Variants in KCNK10 observed in about 807,000 individuals in gnomAD.
KCNK10 encodes the protein potassium two pore domain channel subfamily K member 10, also known as potassium channel subfamily K member 10.
Under a neutral mutation model 47.7 loss-of-function variants are expected in KCNK10, and 25 were observed. That is an observed-to-expected ratio of 0.52 (90% CI 0.38 to 0.73). KCNK10 has a LOEUF of 0.73. Ranked by LOEUF, KCNK10 falls within the 30% of genes least tolerant of loss-of-function variation. The pLI, the probability that KCNK10 is intolerant of heterozygous loss-of-function variation, is 0.00. For synonymous variants in KCNK10, 303 were observed against 285.6 expected (o/e 1.06, Z -0.61); for missense variants, 563 against 714.5 (o/e 0.79, Z 2.42).
intron 4 of KCNK10, among the ~76,000 whole-genome samples, chr14:88,211,978 T>C (rs893702659): frequency 4.6e-5 from 7 of 150,960 alleles, no homozygotes; most frequent in Non-Finnish European, 7.4e-5. Context: ...AAGCCCAGAA[T>C]GTCATGGAAA....
intron 2 of KCNK10, among the ~76,000 whole-genome samples, chr14:88,241,055 G>A (rs1886451041): frequency 1.3e-5 from 2 of 152,178 alleles, no homozygotes; most frequent in Non-Finnish European, 2.9e-5. Context: ...ATAGAATATG[G>A]TGACATTTAT....
intron 4 of KCNK10, among the ~76,000 whole-genome samples, chr14:88,216,878 A>G (rs1049270041): frequency 1.3e-5 from 2 of 152,176 alleles, no homozygotes; most frequent in Non-Finnish European, 2.9e-5. Context: ...AACTCACGGC[A>G]GGGCGTGGTG....
chr14:88,310,157 C>CATATACCATATGATATGGTATATG (rs1888284835), intron 1 of KCNK10, among the ~76,000 whole-genome samples: 2 of 43,570 alleles, frequency 4.6e-5, no homozygotes, highest in African/African-American at 1.8e-4. Flanking sequence ...ATATCTCTCT[C>CATATACCATATGATATGGTATATG]ATATACCATA....
chr14:88,224,190 A>C (rs1333699970), intron 4 of KCNK10, among the ~76,000 whole-genome samples: 2 of 152,222 alleles, frequency 1.3e-5, no homozygotes, highest in African/African-American at 2.4e-5. Context: ...AGGCCATTTA[A>C]AAGTGTTGTT....
chr14:88,250,128 G>A (rs1329451205), intron 2 of KCNK10, among the ~76,000 whole-genome samples: 1 of 152,064 alleles, frequency 6.6e-6, no homozygotes, highest in Non-Finnish European at 1.5e-5. Context: ...AGTTTTTTTA[G>A]AACATTGAAT....
intron 4 of KCNK10, among the ~76,000 whole-genome samples, chr14:88,198,959 G>A (rs1182053480): frequency 2.6e-4 from 21 of 79,546 alleles, no homozygotes; most frequent in Admixed American, 1.4e-3. Context: ...TCACTTTGTC[G>A]CCCAGGCTGG....
At chr14:88,254,977 AC>A (rs1361546486) in intron 2 of KCNK10, among the ~76,000 whole-genome samples, 4 of 152,156 alleles carry the variant, frequency 2.6e-5, no homozygotes, top group African/African-American at 9.7e-5. Context: ...CCTAATGAGG[AC>A]TGTGATCCCT....
chr14:88,181,415 CGTGTGT>C lies in KCNK10; in HGVS notation c.*4114_*4119del, dbSNP rs34123372. ...GTGTGTGTGTGTGTGTGTATGTGTGCGTGTGTGTGTGTGTGTGTGTGTGTGAGAGAG... is the reference window on the plus strand; with the variant it reads ...GTGTGTGTGTGTGTGTGTATGTGTGCGTGTGTGTGTGTGTGTGTGAGAGAG... On this transcript the variant is annotated 3_prime_UTR_variant, in exon 7 of 7. Coordinates refer to ENST00000319231, the MANE Select transcript of KCNK10 (RefSeq NM_138317.3). 6,525 of 149,608 alleles carry C rather than the reference CGTGTGT, an allele frequency of 0.044. 376 individuals are homozygous for C. The highest frequency in any genetic ancestry group is 0.21 in the East Asian group (1,061 of 5,136). The allele number at this position is 149,608 out of a possible 1,614,324, so 9.3% of individuals were successfully genotyped here.
intron 4 of KCNK10, among the ~76,000 whole-genome samples, chr14:88,214,598 A>G (rs1022567495): frequency 6.6e-6 from 1 of 152,224 alleles, no homozygotes; most frequent in African/African-American, 2.4e-5. Flanking sequence ...CCATCTTTGT[A>G]TTAGTCACAT....
Position 88,316,498 on chromosome 14 carries a change from C to T in KCNK10, c.52+6249G>A, listed in dbSNP as rs112988077. On this transcript the variant is annotated intron_variant, in intron 1 of 6. Coordinates refer to ENST00000319231, the MANE Select transcript of KCNK10 (RefSeq NM_138317.3). ...CCCCAGAAGTGGAAGGTCCCTTTGA[C>T]CTCCATGATTCTTATGGAGAGAAAT... Among the ~76,000 whole-genome samples, 323 of 152,302 alleles carry T rather than the reference C, an allele frequency of 2.1e-3. 2 individuals are homozygous for T. Among genetic ancestry groups the T allele is most frequent in the African/African-American group, 7.3e-3 (302 of 41,564 alleles).
intron 4 of KCNK10, among the ~76,000 whole-genome samples, chr14:88,223,964 T>C (rs1013150591): frequency 6.6e-6 from 1 of 151,928 alleles, no homozygotes; most frequent in Non-Finnish European, 1.5e-5. Flanking sequence ...GCAGATCACC[T>C]GAGGCCAGGA....
intron 4 of KCNK10, among the ~76,000 whole-genome samples, chr14:88,202,721 G>A (rs761863751): frequency 1.1e-4 from 17 of 152,000 alleles, no homozygotes; most frequent in African/African-American, 3.9e-4. Flanking sequence ...GAGAGAAGGC[G>A]GAATGGCCAC....
intron 5 of KCNK10, among the ~76,000 whole-genome samples, chr14:88,189,448 T>C (rs1304767567): frequency 6.6e-6 from 1 of 152,230 alleles, no homozygotes; most frequent in Non-Finnish European, 1.5e-5. Flanking sequence ...CAGAGAAATC[T>C]GTAGCTTTCT....
At chr14:88,288,115 A>G (rs1296545634) in intron 1 of KCNK10, among the ~76,000 whole-genome samples, 2 of 151,950 alleles carry the variant, frequency 1.3e-5, no homozygotes, top group Non-Finnish European at 2.9e-5. Flanking sequence ...ATTTTTTCAT[A>G]TGTTTGTTGG....
chr14:88,237,984 A>G (rs1402916852), intron 3 of KCNK10, among the ~76,000 whole-genome samples: 2 of 152,254 alleles, frequency 1.3e-5, no homozygotes, highest in African/African-American at 2.4e-5. Context: ...ATCTTGTAAT[A>G]TAAGGCTGTT....
chr14:88,254,258 C>T (rs1285169584), intron 2 of KCNK10, among the ~76,000 whole-genome samples: 1 of 152,196 alleles, frequency 6.6e-6, no homozygotes, highest in African/African-American at 2.4e-5. Context: ...ATTAGACCAA[C>T]CTGCCCCCAG....
intron 4 of KCNK10, among the ~76,000 whole-genome samples, chr14:88,213,903 A>C (rs1220337563): frequency 1.4e-5 from 2 of 140,644 alleles, no homozygotes; most frequent in African/African-American, 2.7e-5. Context: ...CTCAAACTCT[A>C]TGCTCTTTTT....
At chr14:88,252,409 G>A (rs1186731605) in intron 2 of KCNK10, among the ~76,000 whole-genome samples, 1 of 152,182 alleles carries the variant, frequency 6.6e-6, no homozygotes, top group Non-Finnish European at 1.5e-5. Context: ...GAATAAGTGA[G>A]TGAGCAAATG....
chr14:88,322,938 C>A lies in KCNK10; in HGVS notation c.-140G>T, dbSNP rs1888579315. 9 of 1,500,844 alleles carry A rather than the reference C, an allele frequency of 6.0e-6. No homozygotes were observed. Among genetic ancestry groups the A allele is most frequent in the Non-Finnish European group, 8.0e-6 (9 of 1,127,998 alleles). 93.0% of individuals were successfully genotyped at this position (1,500,844 alleles called of 1,614,324 possible). A position where few individuals can be genotyped will look rare whatever the true frequency, so the allele number is the denominator to read the frequency against. ...GCCTTGGACTGGCTCGTGGAGGAAC[C>A]CCAGAAAAAGACAGGTGGGAAAATA... On this transcript the variant is annotated 5_prime_UTR_variant, in exon 1 of 7. Transcript: ENST00000319231. The surrounding 1 kb of genome is among the most constrained non-coding windows in gnomAD (Gnocchi z 4.8).
Sources: gnomAD v4.1 joint callset for allele counts (sites outside exome capture counted in the v4.1 genomes callset) on GRCh38, gnomAD v4.1.1 for gene constraint, Gnocchi (gnomAD v3.1) non-coding constraint, MANE v1.5 for transcripts, NCBI Gene and HGNC (gene_info 2026-07-23, HGNC 2026-07-21) for gene names.